METTL15: variants seen among roughly 807,000 people sequenced by gnomAD.
The protein encoded by METTL15 is methyltransferase 15, mitochondrial 12S rRNA N4-cytidine.
A neutral mutation model predicts 38.3 loss-of-function variants in METTL15; 34 were observed. That is an observed-to-expected ratio of 0.89 (90% CI 0.68 to 1.18). METTL15 has a LOEUF of 1.18. Ranked by LOEUF, METTL15 falls within the 50% of genes most tolerant of loss-of-function variation. The pLI is 0.00. For missense variants in METTL15, 438 were observed against 498.4 expected, an observed-to-expected ratio of 0.88 and a Z score of 1.15; for synonymous variants, 162 against 170.9, an observed-to-expected ratio of 0.95 and a Z score of 0.41.
At chr11:28,455,216 C>CTT (rs34686157) in intron 6 of METTL15, among the ~76,000 whole-genome samples, 47 of 85,816 alleles carry the variant, frequency 5.5e-4, no homozygotes, top group African/African-American at 8.0e-4. Flanking sequence ...GATCAGCTAG[C>CTT]TTTTTTTTTT....
chr11:28,416,080 T>C (rs1053130450), intron 5 of METTL15, among the ~76,000 whole-genome samples: 1 of 152,226 alleles, frequency 6.6e-6, no homozygotes, highest in African/African-American at 2.4e-5. Context: ...AAAGTCCAGA[T>C]TGACTTTACA....
intron 4 of METTL15, among the ~76,000 whole-genome samples, chr11:28,236,221 G>T (rs573609506): frequency 2.0e-4 from 31 of 152,186 alleles, no homozygotes; most frequent in African/African-American, 5.8e-4. Context: ...GTATTTTATT[G>T]AGGATTTTTG....
chr11:28,437,059 A>G (rs1850988877), intron 6 of METTL15, among the ~76,000 whole-genome samples: 1 of 152,160 alleles, frequency 6.6e-6, no homozygotes, highest in Non-Finnish European at 1.5e-5. Flanking sequence ...GTCAGACTCC[A>G]AGTTCTTCAG....
At chr11:28,381,099 G>T (rs191702279) in intron 5 of METTL15, among the ~76,000 whole-genome samples, 1 of 152,108 alleles carries the variant, frequency 6.6e-6, no homozygotes, top group Admixed American at 6.5e-5. Context: ...AAAGAAGTTA[G>T]CCTAGAGATC....
At chr11:28,397,197 T>TA (rs1373197580) in intron 5 of METTL15, among the ~76,000 whole-genome samples, 3 of 152,032 alleles carry the variant, frequency 2.0e-5, no homozygotes, top group South Asian at 2.1e-4. Flanking sequence ...ACTTCATGTC[T>TA]AAAACACCAA....
chr11:28,186,214 C>A (rs943414708), intron 3 of METTL15, among the ~76,000 whole-genome samples: 1 of 151,046 alleles, frequency 6.6e-6, no homozygotes, highest in African/African-American at 2.4e-5. Flanking sequence ...AAATAGAAGT[C>A]ATTGCTGATT....
chr11:28,363,893 G>A (rs1048386355), intron 5 of METTL15, among the ~76,000 whole-genome samples: 1 of 152,144 alleles, frequency 6.6e-6, no homozygotes, highest in African/African-American at 2.4e-5. Flanking sequence ...TTATTCTTCT[G>A]CATATGTCTA....
Position 28,432,962 on chromosome 11 carries a change from C to T in METTL15, c.*424+8598C>T, listed in dbSNP as rs147636042. 5.4e-3 allele frequency among the ~76,000 whole-genome samples: 812 copies of T among 150,036 alleles called. 4 individuals are homozygous for T. The highest frequency in any genetic ancestry group is 8.4e-3 in the Non-Finnish European group (567 of 67,698). On this transcript the variant is annotated intron_variant and NMD_transcript_variant, in intron 6 of 7. Transcript: ENST00000532947. ...TTTTTGCCTTTTGCCTCTAGATATA[C>T]AAAGGTCATTCTTATCTGTATAAAC... is the stretch of plus-strand genomic sequence containing the variant.
chr11:28,219,431 C>G (rs1164341051), intron 4 of METTL15, among the ~76,000 whole-genome samples: 1 of 152,034 alleles, frequency 6.6e-6, no homozygotes, highest in Non-Finnish European at 1.5e-5. Flanking sequence ...TTTATTGCAT[C>G]TATTTGATTC....
intron 6 of METTL15, among the ~76,000 whole-genome samples, chr11:28,325,862 A>C (rs1245313553): frequency 6.6e-6 from 1 of 152,226 alleles, no homozygotes; most frequent in East Asian, 1.9e-4. Context: ...CAAATGAGTG[A>C]GATAAATAAG....
intron 3 of METTL15, among the ~76,000 whole-genome samples, chr11:28,143,659 G>A (rs1009742333): frequency 1.4e-4 from 21 of 152,314 alleles, no homozygotes; most frequent in Non-Finnish European, 2.8e-4. Context: ...TTCCTTTGAT[G>A]CCTTAGGAAG....
intron 3 of METTL15, among the ~76,000 whole-genome samples, chr11:28,186,674 GATA>G (rs942807310): frequency 4.0e-5 from 6 of 150,952 alleles, no homozygotes; most frequent in African/African-American, 9.7e-5. Flanking sequence ...TATTTAGTTT[GATA>G]ATAATGCTGT....
At chr11:28,165,302 A>G (rs1850618470) in intron 3 of METTL15, among the ~76,000 whole-genome samples, 1 of 152,114 alleles carries the variant, frequency 6.6e-6, no homozygotes, top group Non-Finnish European at 1.5e-5. Context: ...TCCCACCAAC[A>G]AAGGGCAAGG....
intron 4 of METTL15, among the ~76,000 whole-genome samples, chr11:28,274,419 C>T (rs1020561096): frequency 6.6e-6 from 1 of 151,974 alleles, no homozygotes; most frequent in African/African-American, 2.4e-5. Context: ...TCTGTTCCTT[C>T]TCTGGATGCA....
intron 3 of METTL15, among the ~76,000 whole-genome samples, chr11:28,115,933 CAT>C (rs1364477101): frequency 1.3e-4 from 12 of 92,676 alleles, no homozygotes; most frequent in African/African-American, 3.5e-4. Flanking sequence ...CACACATACA[CAT>C]ACACACACAC....
intron 6 of METTL15, among the ~76,000 whole-genome samples, chr11:28,452,386 AT>A (rs1851130444): frequency 1.3e-5 from 2 of 152,180 alleles, no homozygotes; most frequent in African/African-American, 4.8e-5. Context: ...TGTAAAATCA[AT>A]TGCTTTTCGG....
intron 3 of METTL15, among the ~76,000 whole-genome samples, chr11:28,191,746 G>A (rs929171767): frequency 2.0e-5 from 3 of 151,504 alleles, no homozygotes; most frequent in African/African-American, 7.3e-5. Context: ...GAAAGGCAAA[G>A]TTGATTTATT....
intron 3 of METTL15, among the ~76,000 whole-genome samples, chr11:28,349,874 T>G (rs2133360320): frequency 1.3e-5 from 2 of 152,334 alleles, no homozygotes; most frequent in East Asian, 3.9e-4. Context: ...AAAATAAGAT[T>G]ACAAATGTTA....
intron 4 of METTL15, among the ~76,000 whole-genome samples, chr11:28,231,893 T>G (rs959097446): frequency 6.6e-6 from 1 of 151,906 alleles, no homozygotes; most frequent in Non-Finnish European, 1.5e-5. Context: ...GAAGTATTGC[T>G]GTATCTTAAC....
Sources: gnomAD v4.1 joint callset for allele counts (sites outside exome capture counted in the v4.1 genomes callset) on GRCh38, gnomAD v4.1.1 for gene constraint, MANE v1.5 for transcripts, NCBI Gene and HGNC (gene_info 2026-07-23, HGNC 2026-07-21) for gene names.